The following STK32B variants were observed in gnomAD, a reference collection of about 807,000 sequenced individuals.
STK32B encodes serine/threonine kinase 32B, also known as serine/threonine-protein kinase 32B.
In STK32B, 43 loss-of-function variants were observed where a neutral mutation model predicts 52.6. The ratio of observed to expected loss-of-function variants is 0.82; its 90% CI spans 0.64 to 1.05. STK32B has a LOEUF of 1.05. Ranked by LOEUF, STK32B falls within the 50% of genes least tolerant of loss-of-function variation. The pLI, the probability that STK32B is intolerant of heterozygous loss-of-function variation, is 0.00. For synonymous variants in STK32B, 238 were observed against 204.3 expected (o/e 1.17, Z -1.41); for missense variants, 621 against 534.6 (o/e 1.16, Z -1.59).
intron 6 of STK32B, among the ~76,000 whole-genome samples, chr4:5,419,873 T>G (rs1712477771): frequency 6.6e-6 from 1 of 152,208 alleles, no homozygotes. Context: ...ATTTATTAAA[T>G]AAATAGAATA....
In STK32B at chr4:5,460,153, G is replaced by A. The variant is rs774141172; in HGVS notation, c.834G>A (p.Gln278=). ...GCGTGTCCAGCCTTCATGACATACA[G>A]AGCGTGCCCTACTTGGCCGACATGA... ...ESRVSSLHDI[Q]SVPYLADMNW... Residue 278 remains glutamine (Q), a synonymous_variant, in exon 9 of 12, where the codon CAG becomes CAA. Transcript: ENST00000282908. This position sits in a 1 kb window ranked among gnomAD's most constrained non-coding sequence, Gnocchi z 4.8. 2 of 1,614,146 alleles carry A rather than the reference G, an allele frequency of 1.2e-6. No individual in the cohort carries two copies. Among genetic ancestry groups the A allele is most frequent in the East Asian group, 2.2e-5 (1 of 44,884 alleles).
chr4:5,107,067 C>T (rs1412233208), intron 1 of STK32B, among the ~76,000 whole-genome samples: 1 of 152,194 alleles, frequency 6.6e-6, no homozygotes, highest in African/African-American at 2.4e-5. Context: ...TCTGTATTTA[C>T]AGCTGCTCCC....
chr4:5,457,256 C>T (rs1716626367), intron 8 of STK32B, among the ~76,000 whole-genome samples: 1 of 147,262 alleles, frequency 6.8e-6, no homozygotes, highest in African/African-American at 2.5e-5. Flanking sequence ...CACTCTGTCG[C>T]CCAGGCTGGA....
intron 3 of STK32B, among the ~76,000 whole-genome samples, chr4:5,299,965 A>C (rs1387206131): frequency 3.9e-5 from 6 of 152,106 alleles, no homozygotes; most frequent in African/African-American, 1.2e-4. Context: ...CTGATACCGA[A>C]ATCCAGCAAA....
intron 4 of STK32B, among the ~76,000 whole-genome samples, chr4:5,365,181 A>G (rs1368501901): frequency 1.3e-5 from 2 of 152,176 alleles, no homozygotes; most frequent in African/African-American, 4.8e-5. Flanking sequence ...CGGGCCAAAA[A>G]ATATTATCTC....
intron 3 of STK32B, among the ~76,000 whole-genome samples, chr4:5,190,819 G>A (rs1356177131): frequency 1.3e-5 from 2 of 152,062 alleles, no homozygotes; most frequent in Non-Finnish European, 2.9e-5. Flanking sequence ...GACACTCGGA[G>A]CAGGTCTCCA....
intron 4 of STK32B, among the ~76,000 whole-genome samples, chr4:5,351,142 C>G (rs1189748633): frequency 6.6e-6 from 1 of 152,032 alleles, no homozygotes; most frequent in Non-Finnish European, 1.5e-5. Flanking sequence ...AAGGACCTAC[C>G]AGACATTTAA....
chr4:5,381,116 G>A lies in STK32B; in HGVS notation c.435-17091G>A, dbSNP rs75016187. On this transcript the variant is annotated intron_variant, in intron 4 of 11. Transcript: ENST00000282908. ...CTGAGTTTCGTCCACTGTATTTTAA[G>A]TAGACAGTAGTGCCTGGCACACAGT... is the stretch of plus-strand genomic sequence containing the variant. Among the ~76,000 whole-genome samples the A allele has an allele frequency of 4.0e-3, 612 of 152,310 alleles. 3 individuals carry two copies. Among genetic ancestry groups the A allele is most frequent in the African/African-American group, 0.013 (542 of 41,582 alleles).
intron 6 of STK32B, among the ~76,000 whole-genome samples, chr4:5,440,581 T>C (rs1261079085): frequency 2.0e-5 from 3 of 152,222 alleles, no homozygotes; most frequent in East Asian, 1.9e-4. Flanking sequence ...CTTTTCCTAA[T>C]TGAATACCCT....
At chr4:5,187,947 C>T (rs544433721) in intron 3 of STK32B, among the ~76,000 whole-genome samples, 4 of 152,262 alleles carry the variant, frequency 2.6e-5, no homozygotes, top group Admixed American at 2.0e-4. Context: ...ATGTAGTAGA[C>T]GTGGAAAATG....
At chr4:5,146,673 A>G (rs757099549) in intron 2 of STK32B, among the ~76,000 whole-genome samples, 11 of 152,188 alleles carry the variant, frequency 7.2e-5, no homozygotes, top group Non-Finnish European at 1.3e-4. Context: ...AATCCAGTCA[A>G]GCTGACATTT....
intron 5 of STK32B, among the ~76,000 whole-genome samples, chr4:5,415,080 T>C (rs1483726853): frequency 6.6e-6 from 1 of 152,212 alleles, no homozygotes; most frequent in Non-Finnish European, 1.5e-5. Context: ...GTTTGCTTTC[T>C]TGTTGGTATT....
chr4:5,410,851 T>G (rs185152702), intron 5 of STK32B, among the ~76,000 whole-genome samples: 58 of 152,254 alleles, frequency 3.8e-4, no homozygotes, highest in African/African-American at 1.3e-3. Context: ...TTCACACAGT[T>G]CTGGGGGCTT....
chr4:5,372,070 C>T (rs1045625395), intron 4 of STK32B, among the ~76,000 whole-genome samples: 3 of 152,248 alleles, frequency 2.0e-5, no homozygotes, highest in Non-Finnish European at 4.4e-5. Context: ...CGAGCAGATA[C>T]AGCAGATGGC....
At chr4:5,177,732 A>C (rs950065445) in intron 3 of STK32B, among the ~76,000 whole-genome samples, 2 of 152,210 alleles carry the variant, frequency 1.3e-5, no homozygotes, top group Non-Finnish European at 2.9e-5. Context: ...TGGCCAAAAC[A>C]GGGGGGCTAC....
In STK32B at chr4:5,199,998, T is replaced by C. The variant is rs571049343; in HGVS notation, c.260+31548T>C. ...ATGGAAGCTCAGGGCTAAACCACTT[T>C]AGCGAGGTCATGAGGTGCTGTAGGA... On this transcript the variant is annotated intron_variant, in intron 3 of 11. Coordinates refer to ENST00000282908, the MANE Select transcript of STK32B (RefSeq NM_018401.3). 9.2e-5 allele frequency among the ~76,000 whole-genome samples: 14 copies of C among 152,306 alleles called. No homozygotes were observed. In the East Asian group the frequency reaches 2.5e-3, roughly 27 times the overall value.
intron 4 of STK32B, among the ~76,000 whole-genome samples, chr4:5,370,984 A>ATGTGTGTGTGTGTGTG (rs149501017): frequency 3.4e-5 from 5 of 145,316 alleles, no homozygotes; most frequent in East Asian, 2.0e-4. Context: ...ATATATATAT[A>ATGTGTGTGTGTGTGTG]TGTGTGTGTG....
intron 3 of STK32B, among the ~76,000 whole-genome samples, chr4:5,205,111 A>G (rs890248790): frequency 6.6e-6 from 1 of 152,186 alleles, no homozygotes; most frequent in Non-Finnish European, 1.5e-5. Context: ...GAGCAGGGAC[A>G]TCCACCTTCT....
chr4:5,310,083 T>A (rs1314279590), intron 3 of STK32B, among the ~76,000 whole-genome samples: 1 of 152,048 alleles, frequency 6.6e-6, no homozygotes, highest in Non-Finnish European at 1.5e-5. Flanking sequence ...GGAGAATCGC[T>A]TGAACCCAGG....
Sources: allele counts gnomAD v4.1 joint callset (sites outside exome capture counted in the v4.1 genomes callset), GRCh38; gene constraint gnomAD v4.1.1; non-coding constraint Gnocchi (gnomAD v3.1); transcripts MANE v1.5; gene names NCBI Gene and HGNC (gene_info 2026-07-23, HGNC 2026-07-21).